Variants in NXN observed in about 807,000 individuals in gnomAD.
NXN encodes the protein nucleoredoxin 1.
Under a neutral mutation model 48.6 loss-of-function variants are expected in NXN, and 16 were observed. The ratio of observed to expected loss-of-function variants is 0.33; its 90% CI spans 0.22 to 0.50. The LOEUF is 0.50. NXN is among the 20% of genes least tolerant of loss of function. The pLI is 0.98. For missense variants in NXN, 492 were observed against 605.5 expected (o/e 0.81, Z 1.97); for synonymous variants, 281 against 269.6 (o/e 1.04, Z -0.41).
intron 1 of NXN, among the ~76,000 whole-genome samples, chr17:835,415 A>G (rs1913758770): frequency 6.6e-6 from 1 of 152,160 alleles, no homozygotes; most frequent in Admixed American, 6.5e-5. Flanking sequence ...GAACAAAGAA[A>G]AAAAACAAAG....
intron 1 of NXN, among the ~76,000 whole-genome samples, chr17:877,643 G>A (rs748666241): frequency 4.6e-4 from 70 of 152,262 alleles, no homozygotes; most frequent in Non-Finnish European, 7.4e-4. Context: ...GATACTACTG[G>A]CACATAGAGG....
chr17:829,551 C>T (rs2144666141), intron 1 of NXN, among the ~76,000 whole-genome samples: 1 of 151,730 alleles, frequency 6.6e-6, no homozygotes, highest in Non-Finnish European at 1.5e-5. Flanking sequence ...TTTGCTGCAC[C>T]CATCAACCTG....
At chr17:915,368 C>G (rs549098366) in intron 1 of NXN, among the ~76,000 whole-genome samples, 63 of 152,322 alleles carry the variant, frequency 4.1e-4, no homozygotes, top group Non-Finnish European at 7.6e-4. Context: ...ACTGCAACCT[C>G]CACCTCCTGG....
intron 1 of NXN, among the ~76,000 whole-genome samples, chr17:829,960 G>C (rs753749733): frequency 6.6e-6 from 1 of 152,172 alleles, no homozygotes; most frequent in Non-Finnish European, 1.5e-5. Context: ...ACAGAAGAAT[G>C]ATTTACAATC....
At chr17:942,041 A>C (rs1458165357) in intron 1 of NXN, among the ~76,000 whole-genome samples, 3 of 57,762 alleles carry the variant, frequency 5.2e-5, no homozygotes, top group Non-Finnish European at 1.1e-4. Context: ...TCCTGGATTT[A>C]CAGTGAACAA....
chr17:851,059 C>T (rs1269473494), intron 1 of NXN, among the ~76,000 whole-genome samples: 3 of 152,238 alleles, frequency 2.0e-5, no homozygotes, highest in East Asian at 3.8e-4. Flanking sequence ...GCTTCTCCGT[C>T]GGGAGCACAG....
At chr17:836,837 A>G (rs1367401949) in intron 1 of NXN, among the ~76,000 whole-genome samples, 2 of 152,166 alleles carry the variant, frequency 1.3e-5, no homozygotes, top group African/African-American at 4.8e-5. Flanking sequence ...AATGGGTCTC[A>G]TTCTGTGGCC....
In NXN at chr17:956,468, C is replaced by A. The variant is rs2069169574; in HGVS notation, c.360+22851G>T. Among the ~76,000 whole-genome samples the A allele has an allele frequency of 2.0e-5, 3 of 152,158 alleles. No homozygotes were observed. The highest frequency in any genetic ancestry group is 2.0e-4 in the Admixed American group (3 of 15,258). On this transcript the variant is annotated intron_variant, in intron 1 of 7. Coordinates refer to ENST00000336868, the MANE Select transcript of NXN (RefSeq NM_022463.5). The surrounding 1 kb of genome is among the most constrained non-coding windows in gnomAD (Gnocchi z 4.1). ...CTCTCTTGTCACCCAGGCTGGAGTGCAACGGCACAACCTCAGCTCACTGCA... is the reference window on the plus strand; with the variant it reads ...CTCTCTTGTCACCCAGGCTGGAGTGAAACGGCACAACCTCAGCTCACTGCA...
Position 849,295 on chromosome 17 carries a change from G to C in NXN, c.361-23217C>G, listed in dbSNP as rs562935931. ...CGCCTGTAATCCCAGCACTTTGGGA[G>C]GCCGAGACAGGTGGGTCACCTGAGG... On this transcript the variant is annotated intron_variant, in intron 1 of 7. Coordinates refer to ENST00000336868, the MANE Select transcript of NXN (RefSeq NM_022463.5). This position sits in a 1 kb window ranked among gnomAD's most constrained non-coding sequence, Gnocchi z 4.2. 1.2e-4 allele frequency among the ~76,000 whole-genome samples: 19 copies of C among 152,318 alleles called. No homozygotes were observed. The highest frequency in any genetic ancestry group is 4.6e-4 in the African/African-American group (19 of 41,572).
At chr17:868,784 A>T (rs575782029) in intron 1 of NXN, among the ~76,000 whole-genome samples, 1 of 151,942 alleles carries the variant, frequency 6.6e-6, no homozygotes, top group Non-Finnish European at 1.5e-5. Flanking sequence ...GAGCCACCGC[A>T]CCCGGTCGAA....
intron 1 of NXN, among the ~76,000 whole-genome samples, chr17:946,701 G>A (rs964641234): frequency 1.6e-4 from 24 of 152,194 alleles, no homozygotes; most frequent in African/African-American, 5.5e-4. Flanking sequence ...GGCTCTGGAG[G>A]GACGACCCCC....
At chr17:945,102 G>C (rs1173218718) in intron 1 of NXN, among the ~76,000 whole-genome samples, 3 of 152,104 alleles carry the variant, frequency 2.0e-5, no homozygotes, top group Non-Finnish European at 4.4e-5. Flanking sequence ...TTATTTTTGA[G>C]ACGGAGTCTC....
intron 1 of NXN, among the ~76,000 whole-genome samples, chr17:829,335 A>G (rs1321934518): frequency 6.6e-6 from 1 of 151,764 alleles, no homozygotes; most frequent in Non-Finnish European, 1.5e-5. Flanking sequence ...TTCTATTTTT[A>G]GTAGAGATCG....
intron 1 of NXN, among the ~76,000 whole-genome samples, chr17:848,123 C>A (rs1447805160): frequency 6.6e-6 from 1 of 151,568 alleles, no homozygotes; most frequent in Non-Finnish European, 1.5e-5. Context: ...TTTCCAATTA[C>A]TGAACGTTGA....
intron 5 of NXN, 24 bp from the exon 6 acceptor site, chr17:805,271 G>A (rs755168827): frequency 1.3e-6 from 2 of 1,593,164 alleles, no homozygotes; most frequent in Non-Finnish European, 8.6e-7. Context: ...GGGGTGCTTG[G>A]CCGCTGGCCC....
chr17:889,686 GAAGAAAGAAAGAAAAAGAAAGA>G (rs1567850175), intron 1 of NXN, among the ~76,000 whole-genome samples: 1 of 119,932 alleles, frequency 8.3e-6, no homozygotes, highest in Non-Finnish European at 1.8e-5. Context: ...GAAAAGAAAA[GAAGAAAGAAAGAAAAAGAAAGA>G]AAGAAAGAAA....
rs1175164890 is a variant in NXN, at chr17:923,375, TAGTC to T, written c.360+55940_360+55943del. ...GCTTTACACCAAAAAAATTTTATAT[TAGTC>T]AGGTGTGTTGGCACATACCTGTAGT... On this transcript the variant is annotated intron_variant, in intron 1 of 7. Coordinates refer to ENST00000336868, the MANE Select transcript of NXN (RefSeq NM_022463.5). Among the ~76,000 whole-genome samples, 5 of 152,054 alleles carry T rather than the reference TAGTC, an allele frequency of 3.3e-5. No homozygotes were observed. The South Asian group carries it at 8.3e-4, about 25-fold the overall frequency.
At chr17:814,545 T>G (rs1912361739) in intron 5 of NXN, among the ~76,000 whole-genome samples, 1 of 152,168 alleles carries the variant, frequency 6.6e-6, no homozygotes, top group South Asian at 2.1e-4. Context: ...TTCCAGGCCC[T>G]CGTACGAAAT....
intron 1 of NXN, among the ~76,000 whole-genome samples, chr17:853,913 G>C (rs539440555): frequency 6.6e-6 from 1 of 151,624 alleles, no homozygotes; most frequent in Admixed American, 6.6e-5. Context: ...TTAGACACGG[G>C]GTTTCTCCAT....
Sources: gnomAD v4.1 joint callset for allele counts (sites outside exome capture counted in the v4.1 genomes callset) on GRCh38, gnomAD v4.1.1 for gene constraint, Gnocchi (gnomAD v3.1) non-coding constraint, MANE v1.5 for transcripts, NCBI Gene and HGNC (gene_info 2026-07-23, HGNC 2026-07-21) for gene names.